Variants in CNTN4 observed in about 807,000 individuals in gnomAD.
CNTN4 encodes contactin 4.
Under a neutral mutation model 122.5 loss-of-function variants are expected in CNTN4, and 77 were observed. That is an observed-to-expected ratio of 0.63 (90% CI 0.52 to 0.76). CNTN4 has a LOEUF of 0.76. Among genes scored for constraint, CNTN4 ranks in the 30% least tolerant of loss-of-function variants. CNTN4 has a pLI of 0.00. For missense variants in CNTN4, 1,256 were observed against 1,259.1 expected, an observed-to-expected ratio of 1.00 and a Z score of 0.04; for synonymous variants, 512 against 447.0, an observed-to-expected ratio of 1.15 and a Z score of -1.83.
chr3:2,582,145 T>C (rs1301321435), intron 4 of CNTN4, among the ~76,000 whole-genome samples: 1 of 152,220 alleles, frequency 6.6e-6, no homozygotes, highest in African/African-American at 2.4e-5. Context: ...AATTGTATGA[T>C]GTGTGAATTA....
At chr3:2,660,317 T>C (rs1284678036) in intron 4 of CNTN4, among the ~76,000 whole-genome samples, 2 of 152,170 alleles carry the variant, frequency 1.3e-5, no homozygotes, top group Non-Finnish European at 2.9e-5. Flanking sequence ...CGTCCTAATA[T>C]TGGGGGAGGT....
intron 4 of CNTN4, among the ~76,000 whole-genome samples, chr3:2,656,650 G>A (rs965094467): frequency 6.6e-6 from 1 of 152,188 alleles, no homozygotes; most frequent in Non-Finnish European, 1.5e-5. Context: ...TTATTGAGAG[G>A]TCAAGTCTCA....
At chr3:2,651,227 T>G (rs1014158716) in intron 4 of CNTN4, among the ~76,000 whole-genome samples, 1 of 152,184 alleles carries the variant, frequency 6.6e-6, no homozygotes, top group East Asian at 1.9e-4. Context: ...TCTCATCTTT[T>G]TGAGCCTCTT....
intron 12 of CNTN4, among the ~76,000 whole-genome samples, chr3:2,910,605 C>A (rs1185213298): frequency 6.6e-6 from 1 of 152,024 alleles, no homozygotes; most frequent in Non-Finnish European, 1.5e-5. Flanking sequence ...TGTTTTCTAC[C>A]CTTCCCCTGT....
At position 2,294,288 on chromosome 3, in the gene CNTN4, C is replaced by CTTTTTTTTTTTTTTTTTTTT. The variant is rs71058604; in HGVS notation, c.-144-44875_-144-44874insTTTTTTTTTTTTTTTTTTTT. 6.6e-4 allele frequency among the ~76,000 whole-genome samples: 90 copies of CTTTTTTTTTTTTTTTTTTTT among 135,586 alleles called. 4 individuals carry two copies. The highest frequency in any genetic ancestry group is 1.2e-3 in the South Asian group (5 of 4,148). The allele number at this position is 135,586 out of a possible 152,430, so 88.9% of individuals were successfully genotyped here. Reference sequence around the variant, plus strand: ...CAAAGGAAAGGCAGAAGAGTTGTGACTTTTTTTTTTTTTTTACTGAATACC... The same window carrying CTTTTTTTTTTTTTTTTTTTT: ...CAAAGGAAAGGCAGAAGAGTTGTGACTTTTTTTTTTTTTTTTTTTTTTTTTTTTTTTTTTTACTGAATACC... On this transcript the variant is annotated intron_variant, in intron 2 of 24. Transcript: ENST00000418658.
At chr3:2,364,967 CATTT>C (rs1208907947) in intron 3 of CNTN4, among the ~76,000 whole-genome samples, 2 of 152,036 alleles carry the variant, frequency 1.3e-5, no homozygotes, top group African/African-American at 4.8e-5. Context: ...TTTTTCAAAG[CATTT>C]ATTTATCCGT....
At chr3:2,898,667 G>A (rs896546628) in intron 10 of CNTN4, among the ~76,000 whole-genome samples, 12 of 152,164 alleles carry the variant, frequency 7.9e-5, no homozygotes, top group Non-Finnish European at 1.6e-4. Flanking sequence ...ATGTGATTTT[G>A]ATGTTTCCTT....
intron 6 of CNTN4, among the ~76,000 whole-genome samples, chr3:2,804,091 A>ACACACACACT (rs765327201): frequency 3.5e-4 from 51 of 144,228 alleles, no homozygotes; most frequent in Admixed American, 6.9e-4. Context: ...ACACACACAC[A>ACACACACACT]CACACACGTA....
At chr3:2,794,977 G>A (rs2092126160) in intron 6 of CNTN4, among the ~76,000 whole-genome samples, 2 of 152,140 alleles carry the variant, frequency 1.3e-5, no homozygotes, top group South Asian at 2.1e-4. Context: ...GATACACTTT[G>A]GGGTTAGGAT....
At chr3:3,023,526 C>T (rs1698469095) in intron 14 of CNTN4, among the ~76,000 whole-genome samples, 1 of 152,186 alleles carries the variant, frequency 6.6e-6, no homozygotes. Context: ...TTTCAAATGG[C>T]TCTAGGCTTT....
intron 6 of CNTN4, among the ~76,000 whole-genome samples, chr3:2,802,607 A>G (rs2092375332): frequency 6.6e-6 from 1 of 152,202 alleles, no homozygotes; most frequent in Non-Finnish European, 1.5e-5. Context: ...AGAAACAAGT[A>G]AAGCAAGGTT....
At chr3:2,650,414 T>C (rs541763093) in intron 4 of CNTN4, among the ~76,000 whole-genome samples, 8 of 152,324 alleles carry the variant, frequency 5.3e-5, no homozygotes, top group Non-Finnish European at 1.0e-4. Flanking sequence ...GTGCAAATTG[T>C]TGAAATGACA....
intron 4 of CNTN4, among the ~76,000 whole-genome samples, chr3:2,623,933 C>T (rs1029186218): frequency 2.0e-5 from 3 of 152,094 alleles, no homozygotes; most frequent in Non-Finnish European, 4.4e-5. Context: ...TGTTCATTTA[C>T]CATTTACTGA....
chr3:2,307,161 C>T (rs1018257232), intron 2 of CNTN4, among the ~76,000 whole-genome samples: 78 of 152,212 alleles, frequency 5.1e-4, no homozygotes, highest in Admixed American at 4.6e-3. Flanking sequence ...CAAGGCCGGG[C>T]GCAGTGGCTC....
chr3:2,373,340 C>T (rs1434423015), intron 3 of CNTN4, among the ~76,000 whole-genome samples: 1 of 152,200 alleles, frequency 6.6e-6, no homozygotes. Context: ...TCTGCCTGCA[C>T]CTCTTTTCTC....
intron 7 of CNTN4, among the ~76,000 whole-genome samples, chr3:2,864,011 A>G (rs552366993): frequency 3.3e-5 from 5 of 152,340 alleles, no homozygotes; most frequent in Admixed American, 1.3e-4. Context: ...AACCAAAGGA[A>G]TCAACCTATT....
At chr3:2,794,390 G>A (rs985726882) in intron 6 of CNTN4, among the ~76,000 whole-genome samples, 5 of 152,192 alleles carry the variant, frequency 3.3e-5, no homozygotes, top group African/African-American at 1.2e-4. Context: ...ATGCTGTAAT[G>A]TATGTTGGAT....
chr3:2,901,833 G>A (rs1262482701), intron 11 of CNTN4, among the ~76,000 whole-genome samples: 1 of 152,186 alleles, frequency 6.6e-6, no homozygotes, highest in African/African-American at 2.4e-5. Context: ...AAGGAATTAG[G>A]TGGGGGTACA....
At chr3:2,182,310 ATATC>A (rs1290092659) in intron 2 of CNTN4, among the ~76,000 whole-genome samples, 2 of 152,024 alleles carry the variant, frequency 1.3e-5, no homozygotes, top group Non-Finnish European at 2.9e-5. Context: ...ATACACATAT[ATATC>A]TATCCTTGGA....
Sources: allele counts gnomAD v4.1 joint callset (sites outside exome capture counted in the v4.1 genomes callset), GRCh38; gene constraint gnomAD v4.1.1; transcripts MANE v1.5; gene names NCBI Gene and HGNC (gene_info 2026-07-23, HGNC 2026-07-21).